Variants in FSCN2 observed in about 807,000 individuals in gnomAD.
FSCN2 encodes fascin actin-bundling protein 2, retinal, also known as fascin-2.
Under a neutral mutation model 37.8 loss-of-function variants are expected in FSCN2, and 46 were observed. The ratio of observed to expected loss-of-function variants is 1.22; its 90% CI spans 0.96 to 1.56. The LOEUF (loss-of-function observed/expected upper bound fraction) is 1.56. Ranked by LOEUF, FSCN2 falls within the 40% of genes most tolerant of loss-of-function variation. The probability of loss-of-function intolerance (pLI) is 0.00; values close to 1 mark genes in which losing one functional copy is unlikely to be tolerated. For missense variants in FSCN2, 844 were observed against 730.4 expected (o/e 1.16, Z -1.79); for synonymous variants, 351 against 309.4 (o/e 1.13, Z -1.41).
rs781203867 is a variant in FSCN2 at position 81,536,868 on chromosome 17, C to T, written c.1274-7C>T. 1.9e-6 allele frequency: 3 copies of T among 1,565,558 alleles called. No homozygotes were observed. The highest frequency in any genetic ancestry group is 3.7e-5 in the Admixed American group (2 of 54,670). ...GGCACCCCCGCCGACGCCGTCCCGT[C>T]CCCCAGGCCGCGACGGAGGGTTCTG... On this transcript the variant is annotated splice_polypyrimidine_tract_variant and splice_region_variant and intron_variant, in intron 4 of 4. Coordinates refer to ENST00000417245, the MANE Select transcript of FSCN2 (RefSeq NM_012418.4).
upstream of FSCN2, among the ~76,000 whole-genome samples, chr17:81,525,724 G>GA (rs2032331499): frequency 6.6e-6 from 1 of 151,972 alleles, no homozygotes; most frequent in African/African-American, 2.4e-5. Context: ...GACTCTGTCT[G>GA]AAAAAAATAA....
intron 1 of FSCN2, among the ~76,000 whole-genome samples, chr17:81,531,576 GTGATGA>G (rs1241639534): frequency 1.4e-5 from 2 of 139,082 alleles, no homozygotes; most frequent in Admixed American, 7.2e-5. Flanking sequence ...GATAGTGATG[GTGATGA>G]TGGTGATGGT....
chr17:81,518,105 T>C, the FSCN2 span, among the ~76,000 whole-genome samples: 2 of 152,114 alleles, frequency 1.3e-5, no homozygotes, highest in African/African-American at 4.8e-5. Flanking sequence ...CCCCTTCCCC[T>C]GGTGCTGGAG....
the FSCN2 span, among the ~76,000 whole-genome samples, chr17:81,516,580 A>C: frequency 6.6e-6 from 1 of 151,906 alleles, no homozygotes; most frequent in Admixed American, 6.6e-5. Flanking sequence ...CAGTGGTCCC[A>C]AGGCTGGTCC....
chr17:81,517,905 C>T, the FSCN2 span, among the ~76,000 whole-genome samples: 1 of 152,140 alleles, frequency 6.6e-6, no homozygotes, highest in Non-Finnish European at 1.5e-5. Context: ...AGCCCCCACC[C>T]TCTTCACAGG....
rs2032913636 is a variant in FSCN2, at chr17:81,537,078, T to C, written c.1477T>C (p.Ter493ArgextTer?). ...APAGTALWEY[*>R] is the part of the protein sequence containing the mutation. ...GGCCGGGACCGCGCTTTGGGAGTACTGAGGCCGCGCCCAGACCAGCCTGTC... is the reference window on the plus strand; with the variant it reads ...GGCCGGGACCGCGCTTTGGGAGTACCGAGGCCGCGCCCAGACCAGCCTGTC... Residue 493 changes from the stop codon to arginine, a stop_lost, in exon 5 of 5, where the codon TGA becomes CGA. Coordinates refer to ENST00000417245, the MANE Select transcript of FSCN2 (RefSeq NM_012418.4). 2 of 1,442,340 alleles carry C rather than the reference T, an allele frequency of 1.4e-6. No individual in the cohort carries two copies. The highest frequency in any genetic ancestry group is 2.9e-5 in the East Asian group (1 of 34,148). 89.3% of individuals were successfully genotyped at this position (1,442,340 alleles called of 1,614,324 possible). A position where few individuals can be genotyped will look rare whatever the true frequency, so the allele number is the denominator to read the frequency against.
chr17:81,528,836 T>C lies in FSCN2; in HGVS notation c.305T>C (p.Leu102Pro), dbSNP rs1244889193. 6.4e-7 allele frequency: 1 copy of C among 1,555,562 alleles called. No individual in the cohort carries two copies. Among genetic ancestry groups the C allele is most frequent in the East Asian group, 2.4e-5 (1 of 41,482 alleles). The change falls in exon 1 of 5, where the codon CTG becomes CCG. Residue 102 changes from leucine to proline, a missense_variant. Leu to Pro is a moderately conservative substitution (Grantham distance 98). Transcript: ENST00000417245. Reference protein sequence around the residue: ...VLPQPDGRWVLRSEPHGRFFG... With the variant: ...VLPQPDGRWVPRSEPHGRFFG... The stretch of plus-strand genomic sequence containing the variant: ...CCGCAGCCAGATGGGCGCTGGGTGC[T>C]GCGGTCCGAGCCGCACGGCCGCTTC...
the FSCN2 span, among the ~76,000 whole-genome samples, chr17:81,517,541 G>T: frequency 1.3e-5 from 2 of 152,172 alleles, no homozygotes; most frequent in African/African-American, 4.8e-5. Flanking sequence ...CGTGCTCAGT[G>T]CCTCTGTGTG....
chr17:81,524,523 C>T (rs1367944334), upstream of FSCN2, among the ~76,000 whole-genome samples: 10 of 152,218 alleles, frequency 6.6e-5, no homozygotes, highest in African/African-American at 1.2e-4. Context: ...AATGTCGCCA[C>T]AGTGCAGCCT....
intron 1 of FSCN2, among the ~76,000 whole-genome samples, chr17:81,530,857 C>T (rs2032526698): frequency 6.6e-6 from 1 of 152,246 alleles, no homozygotes. Context: ...CATGGCCCTT[C>T]CTTCCTATCA....
chr17:81,529,872 T>G (rs188988238), intron 1 of FSCN2, among the ~76,000 whole-genome samples: 10 of 152,372 alleles, frequency 6.6e-5, no homozygotes, highest in Non-Finnish European at 1.3e-4. Context: ...CGCAGTGGCG[T>G]GATCTCGGCT....
At chr17:81,521,821 T>C in the FSCN2 span, among the ~76,000 whole-genome samples, 35 of 152,338 alleles carry the variant, frequency 2.3e-4, no homozygotes, top group African/African-American at 8.2e-4. Flanking sequence ...AAGGATGTTT[T>C]CTTCTATAAC....
chr17:81,536,801 G>A lies in FSCN2; in HGVS notation c.1273+12G>A, dbSNP rs766090968. ...CTACCGGATCCGAGGTGCGTGGCGG[G>A]GCGGGTGGGCACGCGGGAGCGGGGG... On this transcript the variant is annotated intron_variant, in intron 4 of 4. Transcript: ENST00000417245. 2.5e-6 allele frequency: 4 copies of A among 1,574,620 alleles called. No individual in the cohort carries two copies. In the East Asian group the frequency reaches 9.3e-5, roughly 37 times the overall value.
chr17:81,531,762 ATGG>A lies in FSCN2; in HGVS notation c.826+2408_826+2410del, dbSNP rs879557564. 1.2e-3 allele frequency among the ~76,000 whole-genome samples: 139 copies of A among 118,534 alleles called. 1 individual carries two copies. The highest frequency in any genetic ancestry group is 4.3e-3 in the Admixed American group (50 of 11,726). 77.8% of individuals were successfully genotyped at this position (118,534 alleles called of 152,430 possible). On this transcript the variant is annotated intron_variant, in intron 1 of 4. Transcript: ENST00000417245. ...GATGGTGATGATAGTGATGGCGATGATGGTGATGATAGTGATGGTGATGATGGT... is the reference window on the plus strand; with the variant it reads ...GATGGTGATGATAGTGATGGCGATGATGATGATAGTGATGGTGATGATGGT...
intron 1 of FSCN2, chr17:81,530,054 T>C (rs551588146): frequency 3.5e-4 from 87 of 249,806 alleles, no homozygotes; most frequent in Middle Eastern, 2.7e-3. Context: ...TTGTGATCTG[T>C]CCACCTCGGC....
chr17:81,519,998 G>A, the FSCN2 span, among the ~76,000 whole-genome samples: 1 of 152,208 alleles, frequency 6.6e-6, no homozygotes, highest in Admixed American at 6.5e-5. Flanking sequence ...GTGGCTCCAG[G>A]GCTGGAGGGG....
At chr17:81,533,881 G>A (rs977190746) in intron 1 of FSCN2, among the ~76,000 whole-genome samples, 5 of 152,260 alleles carry the variant, frequency 3.3e-5, no homozygotes, top group African/African-American at 1.2e-4. Context: ...GGAGCCCTGC[G>A]ATGCTGTGGC....
chr17:81,536,888 G>A lies in FSCN2; in HGVS notation c.1287G>A (p.Gly429=), dbSNP rs764841344. The A allele has an allele frequency of 1.2e-5, 19 of 1,578,604 alleles. No individual in the cohort carries two copies. The East Asian group carries it at 3.8e-4, about 31-fold the overall frequency. ...CCCGTCCCCCAGGCCGCGACGGAGG[G>A]TTCTGGTACACGGGCAGCCACGGCA... ...GAYRIRGRDG[G]FWYTGSHGSV... Residue 429 remains glycine (G), a synonymous_variant, in exon 5 of 5, where the codon GGG becomes GGA. Coordinates refer to ENST00000417245, the MANE Select transcript of FSCN2 (RefSeq NM_012418.4).
chr17:81,529,491 T>C (rs549005333), intron 1 of FSCN2, 134 bp downstream of exon 1: 8 of 845,668 alleles, frequency 9.5e-6, no homozygotes, highest in South Asian at 2.8e-5. Context: ...TGGGGGTCCA[T>C]GTGGGACATG....
Sources: allele counts gnomAD v4.1 joint callset (sites outside exome capture counted in the v4.1 genomes callset), GRCh38; gene constraint gnomAD v4.1.1; transcripts MANE v1.5; gene names NCBI Gene and HGNC (gene_info 2026-07-23, HGNC 2026-07-21).